GRID1: variants seen among roughly 807,000 people sequenced by gnomAD.
The protein encoded by GRID1 is glutamate ionotropic receptor delta type subunit 1.
A neutral mutation model predicts 98.0 loss-of-function variants in GRID1; 28 were observed. The observed-to-expected ratio is 0.29, with a 90% CI of 0.21 to 0.39. GRID1 has a LOEUF of 0.39. Among genes scored for constraint, GRID1 ranks in the 10% least tolerant of loss-of-function variants. The probability of loss-of-function intolerance (pLI) is 1.00; values close to 1 mark genes in which losing one functional copy is unlikely to be tolerated. For synonymous variants in GRID1, 553 were observed against 538.5 expected (o/e 1.03, Z -0.37); for missense variants, 1,111 against 1,340.5 (o/e 0.83, Z 2.67).
chr10:85,931,985 A>T (rs1841856425), intron 4 of GRID1, among the ~76,000 whole-genome samples: 1 of 152,148 alleles, frequency 6.6e-6, no homozygotes, highest in Non-Finnish European at 1.5e-5. Flanking sequence ...GCATCCTGGG[A>T]GCAGGTCAGA....
intron 14 of GRID1, among the ~76,000 whole-genome samples, chr10:85,618,336 G>C (rs1391612827): frequency 6.6e-6 from 1 of 152,184 alleles, no homozygotes; most frequent in Non-Finnish European, 1.5e-5. Context: ...ATCTGTTCTA[G>C]AGAGATGCTC....
intron 4 of GRID1, among the ~76,000 whole-genome samples, chr10:86,032,829 T>TAAAAAAAAAAA: frequency 9.1e-6 from 1 of 109,884 alleles, no homozygotes; most frequent in Non-Finnish European, 1.8e-5. Flanking sequence ...AATAAATACT[T>TAAAAAAAAAAA]AAAAAAAAAA....
intron 4 of GRID1, among the ~76,000 whole-genome samples, chr10:85,993,897 T>C (rs922189113): frequency 6.6e-6 from 1 of 152,156 alleles, no homozygotes; most frequent in Non-Finnish European, 1.5e-5. Flanking sequence ...CAGTAGATGA[T>C]GTTTCCTTGC....
chr10:85,964,164 T>C (rs1243062916), intron 4 of GRID1, among the ~76,000 whole-genome samples: 1 of 152,204 alleles, frequency 6.6e-6, no homozygotes. Context: ...AAACATTCCA[T>C]GCTCATGGAT....
At chr10:86,267,489 G>A (rs2607861) in intron 2 of GRID1, among the ~76,000 whole-genome samples, 1 of 152,208 alleles carries the variant, frequency 6.6e-6, no homozygotes, top group African/African-American at 2.4e-5. Context: ...AGGAGCTTTT[G>A]TTCAGGAAGA....
chr10:85,983,766 T>C (rs1842574994), intron 4 of GRID1, among the ~76,000 whole-genome samples: 1 of 152,114 alleles, frequency 6.6e-6, no homozygotes, highest in Non-Finnish European at 1.5e-5. Context: ...CAGATGCTCC[T>C]CAAGGCTGCA....
chr10:85,991,244 T>G (rs10788475), intron 4 of GRID1, among the ~76,000 whole-genome samples: 1 of 151,840 alleles, frequency 6.6e-6, no homozygotes, highest in Non-Finnish European at 1.5e-5. Context: ...GGGGGAGATG[T>G]GGATGATTTC....
At chr10:85,895,755 C>G (rs973223122) in intron 5 of GRID1, among the ~76,000 whole-genome samples, 1 of 152,268 alleles carries the variant, frequency 6.6e-6, no homozygotes, top group East Asian at 1.9e-4. Flanking sequence ...TTCTTTGAGG[C>G]ACATAGTCTT....
At chr10:85,711,278 G>A (rs1368126615) in intron 12 of GRID1, among the ~76,000 whole-genome samples, 4 of 151,920 alleles carry the variant, frequency 2.6e-5, no homozygotes, top group Non-Finnish European at 5.9e-5. Flanking sequence ...TACATTCAAT[G>A]TGATATTATT....
rs1564706068 is a variant in GRID1 at position 86,206,178 on chromosome 10, C to CTATCTA, written c.520+180_520+185dup. ...GTGTTGTTGCTAGGCAACTTTATAC[C>CTATCTA]TATCTATGGAGCTGTTGTTGCAGCT... On this transcript the variant is annotated intron_variant, in intron 3 of 15. Transcript: ENST00000327946. The surrounding 1 kb of genome is among the most constrained non-coding windows in gnomAD (Gnocchi z 4.1). Among the ~76,000 whole-genome samples, 1 of 152,150 alleles carries CTATCTA rather than the reference C, an allele frequency of 6.6e-6. No homozygotes were observed. The highest frequency in any genetic ancestry group is 6.5e-5 in the Admixed American group (1 of 15,278).
intron 4 of GRID1, among the ~76,000 whole-genome samples, chr10:86,111,002 T>C (rs1255233203): frequency 6.6e-6 from 1 of 152,168 alleles, no homozygotes; most frequent in Non-Finnish European, 1.5e-5. Context: ...CAAAACTCAG[T>C]AGCTAAAACA....
intron 12 of GRID1, among the ~76,000 whole-genome samples, chr10:85,714,404 GT>G (rs940181437): frequency 3.3e-4 from 50 of 151,056 alleles, no homozygotes; most frequent in African/African-American, 1.0e-3. Context: ...GAACCTAAAA[GT>G]TTTTTTTTAA....
intron 8 of GRID1, among the ~76,000 whole-genome samples, chr10:85,770,626 T>G (rs528225322): frequency 7.8e-4 from 118 of 152,050 alleles, no homozygotes; most frequent in African/African-American, 2.7e-3. Flanking sequence ...AGAGAAGTGC[T>G]TAAAGGAACT....
intron 5 of GRID1, among the ~76,000 whole-genome samples, chr10:85,888,481 C>T (rs1410964796): frequency 6.6e-6 from 1 of 152,196 alleles, no homozygotes; most frequent in African/African-American, 2.4e-5. Context: ...GAAGCTTACC[C>T]CATTTTATCA....
intron 12 of GRID1, among the ~76,000 whole-genome samples, chr10:85,666,074 T>C (rs928945789): frequency 2.6e-5 from 4 of 152,172 alleles, no homozygotes; most frequent in African/African-American, 9.7e-5. Context: ...ACCTGGTTTG[T>C]AAAGAACTAC....
intron 8 of GRID1, among the ~76,000 whole-genome samples, chr10:85,792,066 C>T (rs1842485806): frequency 6.6e-6 from 1 of 152,164 alleles, no homozygotes; most frequent in Non-Finnish European, 1.5e-5. Flanking sequence ...TGAGCTAGTG[C>T]ATAACTTAAG....
chr10:86,247,358 G>A (rs1032647752), intron 2 of GRID1, among the ~76,000 whole-genome samples: 4 of 151,924 alleles, frequency 2.6e-5, no homozygotes, highest in African/African-American at 9.7e-5. Context: ...GAAAGACAGA[G>A]GGATGGACAG....
chr10:86,114,493 G>T (rs1027879234), intron 4 of GRID1, among the ~76,000 whole-genome samples: 1 of 152,112 alleles, frequency 6.6e-6, no homozygotes, highest in Admixed American at 6.5e-5. Context: ...CACATTATTT[G>T]TCCAAGTCCT....
At chr10:86,317,190 G>C (rs980959182) in intron 2 of GRID1, among the ~76,000 whole-genome samples, 1 of 152,136 alleles carries the variant, frequency 6.6e-6, no homozygotes, top group Non-Finnish European at 1.5e-5. Flanking sequence ...CTCATCCCAA[G>C]TCTGCATAGC....
Sources: allele counts gnomAD v4.1 joint callset (sites outside exome capture counted in the v4.1 genomes callset), GRCh38; gene constraint gnomAD v4.1.1; non-coding constraint Gnocchi (gnomAD v3.1); transcripts MANE v1.5; gene names NCBI Gene and HGNC (gene_info 2026-07-23, HGNC 2026-07-21).